Variants in CFAP54 observed in about 807,000 individuals in gnomAD.
The protein encoded by CFAP54 is cilia- and flagella-associated protein 54.
A neutral mutation model predicts 370.4 loss-of-function variants in CFAP54; 290 were observed. That is an observed-to-expected ratio of 0.78 (90% CI 0.71 to 0.86). CFAP54 has a LOEUF of 0.86. Among genes scored for constraint, CFAP54 ranks in the 40% least tolerant of loss-of-function variants. The pLI is 0.00. For synonymous variants in CFAP54, 1,206 were observed against 1,236.5 expected (o/e 0.98, Z 0.52); for missense variants, 3,399 against 3,528.7 (o/e 0.96, Z 0.93).
chr12:96,664,775 ATC>A (rs1372132622), intron 39 of CFAP54, among the ~76,000 whole-genome samples: 178 of 17,466 alleles, frequency 0.01, 2 homozygotes, highest in Middle Eastern at 0.088. Context: ...CTATATCTAT[ATC>A]TATATATATA....
chr12:96,515,196 A>T (rs1176921960), intron 5 of CFAP54, among the ~76,000 whole-genome samples: 1 of 151,732 alleles, frequency 6.6e-6, no homozygotes, highest in Non-Finnish European at 1.5e-5. Context: ...TTTAGTAGAG[A>T]TGGGGTTTCA....
rs188507770 is a variant in CFAP54 at position 96,838,710 on chromosome 12, G to A, written c.9171+9622G>A. On this transcript the variant is annotated intron_variant, in intron 66 of 67. Coordinates refer to ENST00000524981, the MANE Select transcript of CFAP54 (RefSeq NM_001306084.2). ...GCCTAGGGATTATGATTCAAGATGA[G>A]ATTTGGGTGGGAACACAAAGCTAAC... Among the ~76,000 whole-genome samples the A allele has an allele frequency of 1.9e-4, 29 of 152,306 alleles. No homozygotes were observed. In the East Asian group the frequency reaches 4.6e-3, roughly 24 times the overall value.
At chr12:96,810,054 G>A (rs1161016033) in intron 63 of CFAP54, among the ~76,000 whole-genome samples, 1 of 152,064 alleles carries the variant, frequency 6.6e-6, no homozygotes, top group Non-Finnish European at 1.5e-5. Context: ...GAGAGAGGAG[G>A]CAAGGGAAAG....
chr12:96,558,503 A>T (rs539217656), intron 17 of CFAP54, among the ~76,000 whole-genome samples: 4 of 152,214 alleles, frequency 2.6e-5, no homozygotes, highest in Admixed American at 2.6e-4. Context: ...CTACAGAGCT[A>T]TAGTAACCAA....
intron 60 of CFAP54, among the ~76,000 whole-genome samples, chr12:96,771,855 C>G (rs1424356368): frequency 6.6e-6 from 1 of 152,178 alleles, no homozygotes; most frequent in Non-Finnish European, 1.5e-5. Context: ...AGAAGGGACT[C>G]TTCCTCAATC....
At chr12:96,861,030 C>A in intron 67 of CFAP54, 78 bp downstream of exon 67, 1 of 1,097,810 alleles carries the variant, frequency 9.1e-7, no homozygotes, top group South Asian at 2.5e-5. Context: ...CTTATAACAA[C>A]AAACATAAAA....
In CFAP54 at chr12:96,759,547, T is replaced by A. The variant is rs11108674; in HGVS notation, c.8040+1959T>A. Among the ~76,000 whole-genome samples, 28 of 152,304 alleles carry A rather than the reference T, an allele frequency of 1.8e-4. 1 individual carries two copies. In the South Asian group the frequency reaches 5.4e-3, roughly 29 times the overall value. ...GCACAGAAAACAGCCAAAACCAATTTAAAAAATTCATGCAGACATATTCAG... is the reference window on the plus strand; with the variant it reads ...GCACAGAAAACAGCCAAAACCAATTAAAAAAATTCATGCAGACATATTCAG... On this transcript the variant is annotated intron_variant, in intron 58 of 67. Coordinates refer to ENST00000524981, the MANE Select transcript of CFAP54 (RefSeq NM_001306084.2).
At position 96,738,608 on chromosome 12, in the gene CFAP54, C is replaced by CTTTT. The variant is rs71068829; in HGVS notation, c.6966-1330_6966-1327dup. Among the ~76,000 whole-genome samples, 309 of 129,186 alleles carry CTTTT rather than the reference C, an allele frequency of 2.4e-3. 5 individuals are homozygous for CTTTT. The highest frequency in any genetic ancestry group is 6.0e-3 in the African/African-American group (197 of 32,752). 84.8% of individuals were successfully genotyped at this position (129,186 alleles called of 152,430 possible). The stretch of plus-strand genomic sequence containing the variant: ...CCAAGCACGTCTATGTCTAAATCTC[C>CTTTT]TTTTTTTTTTTTTTTTTTTTTGAAA... On this transcript the variant is annotated intron_variant, in intron 50 of 67. Coordinates refer to ENST00000524981, the MANE Select transcript of CFAP54 (RefSeq NM_001306084.2).
chr12:96,610,304 A>C (rs759776969), intron 26 of CFAP54, among the ~76,000 whole-genome samples: 2 of 152,242 alleles, frequency 1.3e-5, no homozygotes, highest in Non-Finnish European at 2.9e-5. Context: ...CTCATGCCAT[A>C]AACAAAATGA....
intron 39 of CFAP54, among the ~76,000 whole-genome samples, chr12:96,672,124 T>C (rs1295204716): frequency 1.3e-5 from 2 of 148,640 alleles, no homozygotes; most frequent in Non-Finnish European, 3.0e-5. Flanking sequence ...GTCTTTTTAA[T>C]ACAAGGAAAA....
At chr12:96,568,388 C>T (rs1298851656) in intron 19 of CFAP54, among the ~76,000 whole-genome samples, 2 of 152,016 alleles carry the variant, frequency 1.3e-5, no homozygotes, top group African/African-American at 4.8e-5. Context: ...AAAGAATTTT[C>T]ACCAACGAGG....
intron 50 of CFAP54, among the ~76,000 whole-genome samples, chr12:96,723,711 G>A (rs986294435): frequency 2.0e-5 from 3 of 150,888 alleles, no homozygotes; most frequent in East Asian, 3.9e-4. Context: ...AAGTTTTAGG[G>A]TACATGTGCA....
At chr12:96,751,813 G>T (rs908640253) in intron 55 of CFAP54, among the ~76,000 whole-genome samples, 1 of 151,942 alleles carries the variant, frequency 6.6e-6, no homozygotes. Flanking sequence ...ATGTGGGTGA[G>T]TGCCAATGTC....
Position 96,699,972 on chromosome 12 carries a change from T to A in CFAP54, c.6353T>A (p.Ile2118Lys). ...TRNLEARILK[I>K]EVLIDLRFFS... Reference sequence around the variant, plus strand: ...CTCATTATTTCCTTTCCTTTACAGATAGAAGTCCTTATAGATTTGAGATTC... The same window carrying A: ...CTCATTATTTCCTTTCCTTTACAGAAAGAAGTCCTTATAGATTTGAGATTC... The change falls in exon 46 of 68, where the codon ATA (isoleucine) becomes AAA (lysine). Residue 2118 changes from isoleucine (I) to lysine (K), a missense_variant and splice_region_variant. By Grantham distance (102) the Ile-to-Lys change is moderately radical (BLOSUM62 -3). Coordinates refer to ENST00000524981, the MANE Select transcript of CFAP54 (RefSeq NM_001306084.2). The A allele has an allele frequency of 6.4e-7, 1 of 1,566,394 alleles. No individual in the cohort carries two copies. The highest frequency in any genetic ancestry group is 8.7e-7 in the Non-Finnish European group (1 of 1,147,800).
At chr12:96,682,095 T>G in intron 40 of CFAP54, 1 of 907,922 alleles carries the variant, frequency 1.1e-6, no homozygotes, top group South Asian at 5.1e-5. Flanking sequence ...CTTCCCTTCT[T>G]TCTACATTTT....
At chr12:96,657,854 A>ATTTTTT in intron 36 of CFAP54, 28 bp from the exon 37 acceptor site, 1 of 1,320,142 alleles carries the variant, frequency 7.6e-7, no homozygotes, top group Non-Finnish European at 1.0e-6. Flanking sequence ...GAAATTACAC[A>ATTTTTT]TTTTTTTTTT....
intron 64 of CFAP54, among the ~76,000 whole-genome samples, chr12:96,816,767 A>G (rs1273390085): frequency 1.3e-5 from 2 of 152,314 alleles, no homozygotes; most frequent in East Asian, 3.9e-4. Flanking sequence ...GTGTGGAGTC[A>G]CTGGGGCCAT....
chr12:96,670,949 A>T (rs1223455591), intron 39 of CFAP54, among the ~76,000 whole-genome samples: 1 of 152,150 alleles, frequency 6.6e-6, no homozygotes, highest in Non-Finnish European at 1.5e-5. Flanking sequence ...TCATCTTTTC[A>T]ATGAGGCTTA....
At chr12:96,519,977 T>TGTA (rs1955284878) in intron 6 of CFAP54, among the ~76,000 whole-genome samples, 1 of 152,146 alleles carries the variant, frequency 6.6e-6, no homozygotes, top group African/African-American at 2.4e-5. Context: ...TACACTCTTG[T>TGTA]CTTGCTTTTC....
Sources: allele counts gnomAD v4.1 joint callset (sites outside exome capture counted in the v4.1 genomes callset), GRCh38; gene constraint gnomAD v4.1.1; transcripts MANE v1.5; gene names NCBI Gene and HGNC (gene_info 2026-07-23, HGNC 2026-07-21).